The following CRCP variants were observed in gnomAD, a reference collection of about 807,000 sequenced individuals.
CRCP encodes the protein DNA-directed RNA polymerase III subunit RPC9.
In CRCP, 18 loss-of-function variants were observed where a neutral mutation model predicts 18.5. That is an observed-to-expected ratio of 0.97 (90% CI 0.67 to 1.44). The LOEUF (loss-of-function observed/expected upper bound fraction) is 1.44, where lower values mean the gene tolerates loss of function less well. CRCP is among the 40% of genes most tolerant of loss of function. CRCP has a pLI of 0.00. For synonymous variants in CRCP, 53 were observed against 62.9 expected (o/e 0.84, Z 0.75); for missense variants, 130 against 176.4 (o/e 0.74, Z 1.49).
At chr7:66,143,076 ACTC>A (rs1338578699) in intron 4 of CRCP, among the ~76,000 whole-genome samples, 5 of 150,938 alleles carry the variant, frequency 3.3e-5, no homozygotes, top group Non-Finnish European at 5.9e-5. Flanking sequence ...CTGTTCCCTC[ACTC>A]CTCCTCCCTG....
intron 4 of CRCP, among the ~76,000 whole-genome samples, chr7:66,134,982 A>G (rs1178385567): frequency 2.6e-5 from 4 of 152,230 alleles, no homozygotes; most frequent in Non-Finnish European, 4.4e-5. Flanking sequence ...CAATATGTGT[A>G]GATGTCCTTT....
chr7:66,147,028 A>T (rs556997045), intron 5 of CRCP, among the ~76,000 whole-genome samples: 1 of 152,100 alleles, frequency 6.6e-6, no homozygotes, highest in African/African-American at 2.4e-5. Context: ...TACTTGGGGG[A>T]AGATTTGCTG....
intron 3 of CRCP, among the ~76,000 whole-genome samples, chr7:66,132,366 A>G (rs1787833351): frequency 6.6e-6 from 1 of 152,176 alleles, no homozygotes; most frequent in South Asian, 2.1e-4. Flanking sequence ...TGACACTTCC[A>G]AAGTCTCGTC....
intron 4 of CRCP, among the ~76,000 whole-genome samples, chr7:66,143,378 G>A (rs1318501655): frequency 7.9e-5 from 12 of 152,098 alleles, no homozygotes; most frequent in African/African-American, 2.4e-5. Flanking sequence ...GGGCCCTTTC[G>A]ATCTTGTCCC....
Position 66,130,842 on chromosome 7 carries a change from A to G in CRCP, c.144A>G (p.Glu48=), listed in dbSNP as rs760297228. The change falls in exon 3 of 6, where the codon GAA becomes GAG. Residue 48 remains glutamate, a splice_region_variant and synonymous_variant. Coordinates refer to ENST00000395326, the MANE Select transcript of CRCP (RefSeq NM_014478.5). The stretch of plus-strand genomic sequence containing the variant: ...AGAACTTGAACACTATCACCTATGA[A>G]GTAAGGCTGGGCTTCTGCCAGGCCT... ...GQQNLNTITY[E]TLKYISKTPC... 1 of 1,524,218 alleles carries G rather than the reference A, an allele frequency of 6.6e-7. No individual in the cohort carries two copies. Among genetic ancestry groups the G allele is most frequent in the Non-Finnish European group, 9.1e-7 (1 of 1,100,986 alleles). The allele number at this position is 1,524,218 out of a possible 1,614,324, so 94.4% of individuals were successfully genotyped here.
chr7:66,128,007 G>C (rs767561144), intron 2 of CRCP, among the ~76,000 whole-genome samples: 4 of 151,570 alleles, frequency 2.6e-5, no homozygotes, highest in Non-Finnish European at 5.9e-5. Context: ...AGCTACTTCG[G>C]ATCCCAGCTG....
intron 3 of CRCP, among the ~76,000 whole-genome samples, chr7:66,131,234 A>G (rs1256153530): frequency 2.0e-5 from 3 of 152,132 alleles, no homozygotes; most frequent in East Asian, 1.9e-4. Flanking sequence ...TAGACTTCCC[A>G]AAGTGCTGGG....
At chr7:66,133,625 T>C (rs1003201173) in intron 3 of CRCP, among the ~76,000 whole-genome samples, 2 of 151,608 alleles carry the variant, frequency 1.3e-5, no homozygotes, top group Middle Eastern at 3.4e-3. Context: ...CTCATGGCAA[T>C]TTATTTTATT....
At chr7:66,118,577 T>G (rs1182669811) in intron 1 of CRCP, among the ~76,000 whole-genome samples, 1 of 152,192 alleles carries the variant, frequency 6.6e-6, no homozygotes, top group Non-Finnish European at 1.5e-5. Context: ...TTTGGGGGAT[T>G]GGTTCTGGGA....
rs1488037087 is a variant in CRCP at position 66,152,371 on chromosome 7, G to A, written c.*14G>A. ...GACCCAGCATAGAAGAGCACAGCTG[G>A]CCCCGGCGTTTCATGAAGTCAGAAG... On this transcript the variant is annotated 3_prime_UTR_variant, in exon 6 of 6. Transcript: ENST00000395326. 1.9e-6 allele frequency: 3 copies of A among 1,613,126 alleles called. No individual in the cohort carries two copies. The highest frequency in any genetic ancestry group is 1.1e-5 in the South Asian group (1 of 91,012).
At chr7:66,147,658 G>A (rs1034170048) in intron 5 of CRCP, among the ~76,000 whole-genome samples, 5 of 152,160 alleles carry the variant, frequency 3.3e-5, no homozygotes, top group Non-Finnish European at 7.3e-5. Flanking sequence ...TCAGTAGTTG[G>A]ACCATTTTAT....
chr7:66,116,010 G>A (rs893546139), intron 1 of CRCP, among the ~76,000 whole-genome samples: 14 of 152,068 alleles, frequency 9.2e-5, no homozygotes, highest in African/African-American at 3.4e-4. Flanking sequence ...TACAGCCCAG[G>A]CTGGTCTCCA....
intron 1 of CRCP, among the ~76,000 whole-genome samples, chr7:66,117,363 C>T (rs1400577228): frequency 1.3e-5 from 2 of 152,076 alleles, no homozygotes; most frequent in Non-Finnish European, 2.9e-5. Context: ...AGGGCTCAGT[C>T]CTGGGACCCT....
At chr7:66,141,025 T>C (rs1318475649) in intron 4 of CRCP, among the ~76,000 whole-genome samples, 1 of 152,210 alleles carries the variant, frequency 6.6e-6, no homozygotes, top group Non-Finnish European at 1.5e-5. Flanking sequence ...TTTTTTAAAA[T>C]CTTTTTAAAA....
intron 1 of CRCP, among the ~76,000 whole-genome samples, chr7:66,121,846 G>T: frequency 6.6e-6 from 1 of 152,098 alleles, no homozygotes; most frequent in Admixed American, 6.6e-5. Flanking sequence ...TTTAGAAAAG[G>T]TGGGTAATAG....
Position 66,151,691 on chromosome 7 carries a change from G to C in CRCP, c.298-517G>C, listed in dbSNP as rs1218417695. Among the ~76,000 whole-genome samples the C allele has an allele frequency of 3.6e-3, 540 of 149,778 alleles. 9 individuals carry two copies. The highest frequency in any genetic ancestry group is 0.012 in the African/African-American group (482 of 40,504). On this transcript the variant is annotated intron_variant, in intron 5 of 5. Coordinates refer to ENST00000395326, the MANE Select transcript of CRCP (RefSeq NM_014478.5). ...CTTCTCTCTGTGTGTGTGTGTGTGTGTGTGTGTGTGTGTGTGTGTGTGTGT... is the reference window on the plus strand; with the variant it reads ...CTTCTCTCTGTGTGTGTGTGTGTGTCTGTGTGTGTGTGTGTGTGTGTGTGT...
At chr7:66,120,883 A>G (rs1370938846) in intron 1 of CRCP, among the ~76,000 whole-genome samples, 1 of 152,030 alleles carries the variant, frequency 6.6e-6, no homozygotes, top group Non-Finnish European at 1.5e-5. Flanking sequence ...TCCTGGGACC[A>G]ATCTCCAGTG....
intron 3 of CRCP, among the ~76,000 whole-genome samples, chr7:66,133,841 T>G (rs1166115260): frequency 6.8e-6 from 1 of 147,138 alleles, no homozygotes; most frequent in Non-Finnish European, 1.5e-5. Context: ...TACAGGATTT[T>G]TTTTCTTTTT....
intron 1 of CRCP, among the ~76,000 whole-genome samples, chr7:66,127,069 A>C (rs1455600370): frequency 6.6e-6 from 1 of 152,272 alleles, no homozygotes; most frequent in African/African-American, 2.4e-5. Context: ...CTAGAACATG[A>C]ACCCAAATCT....
Sources: gnomAD v4.1 joint callset for allele counts (sites outside exome capture counted in the v4.1 genomes callset) on GRCh38, gnomAD v4.1.1 for gene constraint, MANE v1.5 for transcripts, NCBI Gene and HGNC (gene_info 2026-07-23, HGNC 2026-07-21) for gene names.